The following SETBP1 variants were observed in gnomAD, a reference collection of about 807,000 sequenced individuals.
SETBP1 encodes SET binding protein 1.
A neutral mutation model predicts 101.0 loss-of-function variants in SETBP1; 9 were observed. The observed-to-expected ratio is 0.09, with a 90% confidence interval of 0.05 to 0.16. SETBP1 has a LOEUF of 0.16. SETBP1 is among the 10% of genes least tolerant of loss of function. The pLI is 1.00. For missense variants in SETBP1, 1,858 were observed against 2,033.8 expected (o/e 0.91, Z 1.66); for synonymous variants, 818 against 788.5 (o/e 1.04, Z -0.63).
intron 4 of SETBP1, among the ~76,000 whole-genome samples, chr18:44,957,422 C>T (rs562556836): frequency 2.6e-5 from 4 of 151,924 alleles, no homozygotes; most frequent in Non-Finnish European, 5.9e-5. Context: ...CATGTGTTAC[C>T]TCTTAGTTTA....
At chr18:44,710,450 G>GTTTTTTTT in intron 2 of SETBP1, among the ~76,000 whole-genome samples, 1 of 123,408 alleles carries the variant, frequency 8.1e-6, no homozygotes, top group Non-Finnish European at 1.6e-5. Context: ...CATTTTAGGA[G>GTTTTTTTT]TTTTTTTTTT....
chr18:44,731,778 A>G (rs897853250), intron 2 of SETBP1, among the ~76,000 whole-genome samples: 2 of 152,018 alleles, frequency 1.3e-5, no homozygotes, highest in African/African-American at 4.8e-5. Context: ...TGCTCTCTCA[A>G]CCTGACTTTC....
intron 2 of SETBP1, among the ~76,000 whole-genome samples, chr18:44,809,492 C>A (rs1317865262): frequency 2.0e-5 from 3 of 152,092 alleles, no homozygotes; most frequent in Non-Finnish European, 4.4e-5. Flanking sequence ...CTGAAATAAT[C>A]CTTGGAACTG....
chr18:45,019,321 C>T (rs532800307), intron 4 of SETBP1, among the ~76,000 whole-genome samples: 8 of 152,084 alleles, frequency 5.3e-5, no homozygotes, highest in African/African-American at 1.2e-4. Flanking sequence ...GGAATACAGT[C>T]GGGGAATTTC....
At chr18:44,913,064 G>A (rs1297538398) in intron 3 of SETBP1, among the ~76,000 whole-genome samples, 2 of 152,208 alleles carry the variant, frequency 1.3e-5, no homozygotes, top group Non-Finnish European at 2.9e-5. Context: ...AGGAGACAAT[G>A]TCCTTTGAGA....
chr18:44,694,902 G>A (rs191844738), intron 1 of SETBP1, among the ~76,000 whole-genome samples: 162 of 152,328 alleles, frequency 1.1e-3, no homozygotes, highest in African/African-American at 3.7e-3. Flanking sequence ...CAAGAAGTAT[G>A]ACCCATGGAA....
chr18:44,691,573 C>T (rs556385770), intron 1 of SETBP1, among the ~76,000 whole-genome samples: 1 of 152,292 alleles, frequency 6.6e-6, no homozygotes, highest in African/African-American at 2.4e-5. Context: ...TTTACAGCTA[C>T]AGCTGGAACT....
chr18:44,905,482 T>A (rs1436157514), intron 3 of SETBP1, among the ~76,000 whole-genome samples: 1 of 152,226 alleles, frequency 6.6e-6, no homozygotes, highest in Non-Finnish European at 1.5e-5. Context: ...TCAGTAACTA[T>A]GTCTGGATGG....
At chr18:44,864,251 C>T (rs1568187638) in intron 2 of SETBP1, among the ~76,000 whole-genome samples, 1 of 152,054 alleles carries the variant, frequency 6.6e-6, no homozygotes, top group Non-Finnish European at 1.5e-5. Flanking sequence ...GGCAGCTGTA[C>T]CATGGATAGT....
At chr18:44,710,712 A>C (rs2069320130) in intron 2 of SETBP1, among the ~76,000 whole-genome samples, 1 of 152,188 alleles carries the variant, frequency 6.6e-6, no homozygotes, top group Admixed American at 6.5e-5. Flanking sequence ...AGCCTCCCAA[A>C]GTACTGGGAT....
chr18:45,066,961 A>G lies in SETBP1; in HGVS notation c.*3263A>G, dbSNP rs758269267. On this transcript the variant is annotated 3_prime_UTR_variant, in exon 6 of 6. Transcript: ENST00000649279. ...CTTGCTCTTCCACCCCTCATCTCAA[A>G]TGAGAGGAGCAGAAGTTTAACTTCC... 6.6e-6 allele frequency: 1 copy of G among 152,084 alleles called. No homozygotes were observed. Among genetic ancestry groups the G allele is most frequent in the African/African-American group, 2.4e-5 (1 of 41,404 alleles). The allele number at this position is 152,084 out of a possible 1,614,324, so 9.4% of individuals were successfully genotyped here.
intron 4 of SETBP1, among the ~76,000 whole-genome samples, chr18:45,017,084 C>T (rs2072962888): frequency 6.6e-6 from 1 of 152,048 alleles, no homozygotes; most frequent in South Asian, 2.1e-4. Flanking sequence ...GTGGGGACTT[C>T]CATATAAAAA....
chr18:45,020,258 TAAAAAAAAAAA>T (rs57134217), intron 4 of SETBP1, among the ~76,000 whole-genome samples: 627 of 53,036 alleles, frequency 0.012, 29 homozygotes, highest in African/African-American at 0.042. Context: ...GACTCTGTCT[TAAAAAAAAAAA>T]AAAAAAAAAA....
At chr18:45,053,820 C>T (rs1218540164) in intron 5 of SETBP1, among the ~76,000 whole-genome samples, 1 of 151,908 alleles carries the variant, frequency 6.6e-6, no homozygotes, top group African/African-American at 2.4e-5. Context: ...CAGGTAAGAA[C>T]ATGCATGCAC....
At chr18:45,015,823 C>A (rs1295136349) in intron 4 of SETBP1, among the ~76,000 whole-genome samples, 1 of 152,180 alleles carries the variant, frequency 6.6e-6, no homozygotes. Flanking sequence ...GCCCATAAAT[C>A]ATTTCTTTTA....
At chr18:44,888,887 G>A (rs1437251784) in intron 3 of SETBP1, among the ~76,000 whole-genome samples, 1 of 152,092 alleles carries the variant, frequency 6.6e-6, no homozygotes, top group Non-Finnish European at 1.5e-5. Flanking sequence ...CTTGATTTAT[G>A]TTTGAAATGG....
intron 4 of SETBP1, among the ~76,000 whole-genome samples, chr18:44,973,277 G>A (rs1368496619): frequency 1.3e-5 from 2 of 152,274 alleles, no homozygotes; most frequent in East Asian, 3.9e-4. Context: ...GATTCGGTTT[G>A]CCAATATTTT....
chr18:44,926,185 G>A (rs2070700732), intron 3 of SETBP1, among the ~76,000 whole-genome samples: 1 of 152,064 alleles, frequency 6.6e-6, no homozygotes, highest in Non-Finnish European at 1.5e-5. Context: ...GCCCCACCTT[G>A]GCTTCCAAAA....
intron 5 of SETBP1, among the ~76,000 whole-genome samples, chr18:45,058,062 C>A (rs1214552416): frequency 6.6e-6 from 1 of 152,188 alleles, no homozygotes; most frequent in East Asian, 1.9e-4. Flanking sequence ...ATTTGCATGG[C>A]AATTTCAAAT....
Sources: allele counts gnomAD v4.1 joint callset (sites outside exome capture counted in the v4.1 genomes callset), GRCh38; gene constraint gnomAD v4.1.1; transcripts MANE v1.5; gene names NCBI Gene and HGNC (gene_info 2026-07-23, HGNC 2026-07-21).